Variants in DUSP19 observed in about 807,000 individuals in gnomAD.
The protein encoded by DUSP19 is dual specificity phosphatase 19, also known as dual specificity protein phosphatase 19.
Under a neutral mutation model 16.6 loss-of-function variants are expected in DUSP19, and 14 were observed. That is an observed-to-expected ratio of 0.84 (90% CI 0.56 to 1.32). The LOEUF is 1.32. DUSP19 is among the 40% of genes most tolerant of loss of function. The pLI, the probability that DUSP19 is intolerant of heterozygous loss-of-function variation, is 0.00. For missense variants in DUSP19, 258 were observed against 255.9 expected (o/e 1.01, Z -0.06); for synonymous variants, 81 against 90.5 (o/e 0.90, Z 0.59).
At chr2:183,079,220 T>G in intron 1 of DUSP19, 61 bp downstream of exon 1, 1 of 1,493,156 alleles carries the variant, frequency 6.7e-7, no homozygotes, top group Non-Finnish European at 9.2e-7. Context: ...CGTTCTCATT[T>G]TCCCCCTTTA....
intron 3 of DUSP19, among the ~76,000 whole-genome samples, chr2:183,094,943 GT>G (rs1341744736): frequency 8.6e-5 from 13 of 151,928 alleles, no homozygotes; most frequent in Admixed American, 1.3e-4. Context: ...ATTTCCTGTG[GT>G]TTTTTTCTTA....
chr2:183,085,571 G>A (rs1462871368), intron 2 of DUSP19, among the ~76,000 whole-genome samples: 1 of 149,896 alleles, frequency 6.7e-6, no homozygotes, highest in East Asian at 1.9e-4. Flanking sequence ...GAGAAGTGAG[G>A]AAGTGATGGC....
In DUSP19 at chr2:183,078,763, A is replaced by G; in HGVS notation, c.-171A>G. The G allele has an allele frequency of 6.5e-6, 4 of 612,192 alleles. No individual in the cohort carries two copies. Among genetic ancestry groups the G allele is most frequent in the Non-Finnish European group, 1.1e-5 (4 of 351,242 alleles). The allele number at this position is 612,192 out of a possible 1,614,324, so 37.9% of individuals were successfully genotyped here. Reference sequence around the variant, plus strand: ...TTTCGCCTTACATTGCATCGCTGGGATAAACGGAGCTGGACGACTCAGTCT... The same window carrying G: ...TTTCGCCTTACATTGCATCGCTGGGGTAAACGGAGCTGGACGACTCAGTCT... On this transcript the variant is annotated 5_prime_UTR_variant, in exon 1 of 4. Transcript: ENST00000354221.
At chr2:183,089,512 T>C (rs1300738800) in intron 3 of DUSP19, among the ~76,000 whole-genome samples, 2 of 152,150 alleles carry the variant, frequency 1.3e-5, no homozygotes, top group African/African-American at 4.8e-5. Flanking sequence ...ATACAACTTT[T>C]CAACCAAGTT....
chr2:183,079,256 A>C (rs1575090884), intron 1 of DUSP19, 97 bp downstream of exon 1: 1 of 1,202,696 alleles, frequency 8.3e-7, no homozygotes, highest in Non-Finnish European at 1.2e-6. Flanking sequence ...ATTATCAGCT[A>C]TCCTGCCGAA....
rs755482803 is a variant in DUSP19, at chr2:183,079,016, G to GA, written c.86dup (p.Lys30GlufsTer32). 1 of 1,614,126 alleles carries GA rather than the reference G, an allele frequency of 6.2e-7. No individual in the cohort carries two copies. Among genetic ancestry groups the GA allele is most frequent in the South Asian group, 1.1e-5 (1 of 91,082 alleles). ...TGCACCAGGGTGACAACGCTAACTGGAAAGAAAATTATAGAAACATGGAAA... is the reference window on the plus strand; with the variant it reads ...TGCACCAGGGTGACAACGCTAACTGGAAAAGAAAATTATAGAAACATGGAAA... On this transcript the variant is annotated frameshift_variant, in exon 1 of 4. Transcript: ENST00000354221. LOFTEE classifies it high-confidence loss of function.
chr2:183,094,572 G>C (rs1699773685), intron 3 of DUSP19, among the ~76,000 whole-genome samples: 1 of 151,976 alleles, frequency 6.6e-6, no homozygotes, highest in African/African-American at 2.4e-5. Flanking sequence ...ATACAATATT[G>C]CCCCCATCAG....
intron 2 of DUSP19, among the ~76,000 whole-genome samples, chr2:183,086,634 C>A (rs1196228721): frequency 2.1e-5 from 3 of 146,248 alleles, no homozygotes; most frequent in Non-Finnish European, 4.5e-5. Context: ...AAAGTGAGAC[C>A]CGCCCCCCTC....
chr2:183,083,647 A>T, intron 2 of DUSP19, 93 bp downstream of exon 2: 1 of 1,073,904 alleles, frequency 9.3e-7, no homozygotes, highest in Non-Finnish European at 1.3e-6. Context: ...TTGGTATATT[A>T]TGGAGTTTAT....
intron 1 of DUSP19, among the ~76,000 whole-genome samples, chr2:183,082,284 C>T (rs1456923219): frequency 6.6e-6 from 1 of 152,018 alleles, no homozygotes; most frequent in Non-Finnish European, 1.5e-5. Flanking sequence ...TCACCTGCAA[C>T]CCCATTGTTA....
chr2:183,082,156 C>T (rs1307071865), intron 1 of DUSP19, among the ~76,000 whole-genome samples: 1 of 152,120 alleles, frequency 6.6e-6, no homozygotes, highest in African/African-American at 2.4e-5. Context: ...TGTTCCCAAA[C>T]CAGCTGGCAC....
chr2:183,095,266 T>A (rs961318087), intron 3 of DUSP19, among the ~76,000 whole-genome samples, 165 bp from the exon 4 acceptor site: 1 of 152,226 alleles, frequency 6.6e-6, no homozygotes, highest in Non-Finnish European at 1.5e-5. Flanking sequence ...TTTCCATTTG[T>A]TGCTGGTAAT....
intron 1 of DUSP19, among the ~76,000 whole-genome samples, chr2:183,080,374 T>TA (rs1211212319): frequency 6.6e-6 from 1 of 152,246 alleles, no homozygotes; most frequent in East Asian, 1.9e-4. Flanking sequence ...TATGAATTGT[T>TA]ACATAGGCTG....
intron 1 of DUSP19, among the ~76,000 whole-genome samples, chr2:183,080,486 A>G (rs1283054178): frequency 6.6e-6 from 1 of 152,218 alleles, no homozygotes; most frequent in Non-Finnish European, 1.5e-5. Context: ...TGAGTTATTT[A>G]GGTAATCTGA....
At chr2:183,079,546 G>A (rs906032064) in intron 1 of DUSP19, among the ~76,000 whole-genome samples, 1 of 152,176 alleles carries the variant, frequency 6.6e-6, no homozygotes, top group Non-Finnish European at 1.5e-5. Flanking sequence ...AATGGTTAAA[G>A]TTATAGAAAA....
rs4666609 is a variant in DUSP19 at position 183,085,162 on chromosome 2, T to G, written c.273+1608T>G. On this transcript the variant is annotated intron_variant, in intron 2 of 3. Coordinates refer to ENST00000354221, the MANE Select transcript of DUSP19 (RefSeq NM_080876.4). ...GGTGAATATATAGATTTAGGAATCTTCAGCTTTTAAGTAGTTACTGAAACC... is the reference window on the plus strand; with the variant it reads ...GGTGAATATATAGATTTAGGAATCTGCAGCTTTTAAGTAGTTACTGAAACC... 3.4e-3 allele frequency among the ~76,000 whole-genome samples: 525 copies of G among 152,320 alleles called. 10 individuals carry two copies. Among genetic ancestry groups the G allele is most frequent in the East Asian group, 0.032 (164 of 5,188 alleles).
intron 1 of DUSP19, among the ~76,000 whole-genome samples, chr2:183,080,187 C>T (rs570291876): frequency 5.3e-5 from 8 of 152,286 alleles, no homozygotes; most frequent in South Asian, 2.1e-4. Context: ...AATCCTGCTC[C>T]GCCTCTAATT....
rs1391745848 is a variant in DUSP19, at chr2:183,096,191, C to T, written c.*533C>T. ...CAGTGGCTACAATATTCACAAAATT[C>T]TTATGTTCTCTTATGAAAAATATAC... On this transcript the variant is annotated 3_prime_UTR_variant, in exon 4 of 4. Coordinates refer to ENST00000354221, the MANE Select transcript of DUSP19 (RefSeq NM_080876.4). The T allele has an allele frequency of 6.6e-6, 1 of 150,982 alleles. No homozygotes were observed. Among genetic ancestry groups the T allele is most frequent in the Non-Finnish European group, 1.5e-5 (1 of 67,776 alleles). 9.4% of individuals were successfully genotyped at this position (150,982 alleles called of 1,614,324 possible). A position where few individuals can be genotyped will look rare whatever the true frequency, so the allele number is the denominator to read the frequency against.
In DUSP19 at chr2:183,078,794, T is replaced by C; in HGVS notation, c.-140T>C. On this transcript the variant is annotated 5_prime_UTR_variant, in exon 1 of 4. Coordinates refer to ENST00000354221, the MANE Select transcript of DUSP19 (RefSeq NM_080876.4). ...GGAGCTGGACGACTCAGTCTCTTGG[T>C]CTGTGGCTGCTGCGGTTACCTGGAT... The C allele has an allele frequency of 2.8e-6, 2 of 705,562 alleles. No individual in the cohort carries two copies. The highest frequency in any genetic ancestry group is 1.8e-5 in the African/African-American group (1 of 56,070). 43.7% of individuals were successfully genotyped at this position (705,562 alleles called of 1,614,324 possible). A position where few individuals can be genotyped will look rare whatever the true frequency, so the allele number is the denominator to read the frequency against.
Sources: gnomAD v4.1 joint callset for allele counts (sites outside exome capture counted in the v4.1 genomes callset) on GRCh38, gnomAD v4.1.1 for gene constraint, MANE v1.5 for transcripts, NCBI Gene and HGNC (gene_info 2026-07-23, HGNC 2026-07-21) for gene names.